REV3L: variants seen among roughly 807,000 people sequenced by gnomAD.
REV3L encodes the protein DNA polymerase zeta catalytic subunit.
REV3L carries 69 observed loss-of-function variants against 299.4 expected under a neutral mutation model. The ratio of observed to expected loss-of-function variants is 0.23; its 90% confidence interval spans 0.19 to 0.28. The LOEUF is 0.28. Ranked by LOEUF, REV3L falls within the 10% of genes least tolerant of loss-of-function variation. REV3L has a pLI of 1.00. For synonymous variants in REV3L, 1,238 were observed against 1,271.4 expected, an observed-to-expected ratio of 0.97 and a Z score of 0.56; for missense variants, 3,128 against 3,693.8, an observed-to-expected ratio of 0.85 and a Z score of 3.97.
intron 1 of REV3L, among the ~76,000 whole-genome samples, chr6:111,417,052 C>T (rs531970122): frequency 2.2e-4 from 33 of 151,386 alleles, no homozygotes; most frequent in African/African-American, 7.3e-4. Flanking sequence ...AAAATCTCTA[C>T]AGATCAATTA....
At chr6:111,419,910 T>A (rs946534872) in intron 1 of REV3L, among the ~76,000 whole-genome samples, 1 of 152,152 alleles carries the variant, frequency 6.6e-6, no homozygotes, top group Non-Finnish European at 1.5e-5. Context: ...AGTGTTGCGA[T>A]CTCGGCTTGC....
intron 7 of REV3L, 124 bp from the exon 8 acceptor site, chr6:111,388,209 A>G: frequency 4.7e-6 from 3 of 632,504 alleles, no homozygotes; most frequent in East Asian, 2.7e-5. Flanking sequence ...ACATAATACA[A>G]CCTAACTGTA....
chr6:111,328,912 CA>C (rs1250785885), intron 25 of REV3L, among the ~76,000 whole-genome samples: 1 of 152,072 alleles, frequency 6.6e-6, no homozygotes, highest in Non-Finnish European at 1.5e-5. Flanking sequence ...ACCACAGGCA[CA>C]TAACACTATG....
chr6:111,460,060 A>G (rs900529148), intron 1 of REV3L, among the ~76,000 whole-genome samples: 4 of 152,196 alleles, frequency 2.6e-5, no homozygotes, highest in African/African-American at 7.2e-5. Context: ...AATGTGGTAC[A>G]TATACACCAT....
chr6:111,394,314 T>C lies in REV3L; in HGVS notation c.566-1342A>G, dbSNP rs1331480767. ...CTCACCAGCATTTGTTGGTGTCTTT[T>C]CCGTAACAGCCATTCTAACTGGGGT... is the stretch of plus-strand genomic sequence containing the variant. On this transcript the variant is annotated intron_variant, in intron 4 of 31. Coordinates refer to ENST00000368802, the MANE Select transcript of REV3L (RefSeq NM_001372078.1). 3.9e-5 allele frequency among the ~76,000 whole-genome samples: 6 copies of C among 152,286 alleles called. No individual in the cohort carries two copies. The East Asian group carries it at 1.2e-3, about 29-fold the overall frequency.
chr6:111,365,175 T>A, intron 15 of REV3L, 90 bp downstream of exon 15: 1 of 861,812 alleles, frequency 1.2e-6, no homozygotes, highest in Admixed American at 3.8e-5. Flanking sequence ...CAAAATTTTT[T>A]AATTGAGACA....
At chr6:111,410,910 T>C (rs1001060779) in intron 3 of REV3L, among the ~76,000 whole-genome samples, 3 of 152,154 alleles carry the variant, frequency 2.0e-5, no homozygotes, top group African/African-American at 7.2e-5. Flanking sequence ...AATCCTTGTT[T>C]TGAATCTGAA....
intron 1 of REV3L, among the ~76,000 whole-genome samples, chr6:111,481,231 A>C (rs1224759198): frequency 6.6e-6 from 1 of 152,198 alleles, no homozygotes; most frequent in African/African-American, 2.4e-5. Context: ...TATCAACTTC[A>C]CTATTTTATC....
upstream of REV3L, chr6:111,483,631 AGGCGGG>A: frequency 2.3e-6 from 1 of 434,810 alleles, no homozygotes; most frequent in Admixed American, 2.5e-5. Context: ...CCAGCAGAGG[AGGCGGG>A]GGCAGCCGCT....
At chr6:111,408,374 G>GGGCGGAT (rs764941447) in intron 3 of REV3L, among the ~76,000 whole-genome samples, 1 of 152,068 alleles carries the variant, frequency 6.6e-6, no homozygotes, top group African/African-American at 2.4e-5. Flanking sequence ...AGCCTGAGGT[G>GGGCGGAT]GGCGGATCAC....
chr6:111,483,463 GAGGGGCAGCGGA>G (rs17539100), upstream of REV3L: 482 of 506,642 alleles, frequency 9.5e-4, 1 homozygote, highest in African/African-American at 7.9e-3. Flanking sequence ...TCACCTGGGT[GAGGGGCAGCGGA>G]AGGGGCGGCG....
rs533185183 is a variant in REV3L, at chr6:111,326,891, G to C, written c.8241+2641C>G. On this transcript the variant is annotated intron_variant, in intron 25 of 31. Transcript: ENST00000368802. ...CTTATTCATGAGAGGCTCTTTCTGT[G>C]ATGTTAGCTGCTTTTTCCACTCATG... 7.2e-5 allele frequency among the ~76,000 whole-genome samples: 11 copies of C among 151,806 alleles called. No individual in the cohort carries two copies. The South Asian group carries it at 2.3e-3, about 31-fold the overall frequency.
intron 1 of REV3L, among the ~76,000 whole-genome samples, chr6:111,468,670 A>G (rs1262923149): frequency 6.6e-6 from 1 of 152,256 alleles, no homozygotes; most frequent in Non-Finnish European, 1.5e-5. Flanking sequence ...TGCTGGTGGG[A>G]GTACAGATCA....
chr6:111,327,783 C>G (rs1183890146), intron 25 of REV3L, among the ~76,000 whole-genome samples: 1 of 152,102 alleles, frequency 6.6e-6, no homozygotes, highest in African/African-American at 2.4e-5. Flanking sequence ...TTATCCAGCA[C>G]AAAATCATAT....
Position 111,311,101 on chromosome 6 carries a change from T to C in REV3L, c.8763A>G (p.Pro2921=). 6.2e-7 allele frequency: 1 copy of C among 1,613,872 alleles called. No homozygotes were observed. The highest frequency in any genetic ancestry group is 8.5e-7 in the Non-Finnish European group (1 of 1,179,916). Reference sequence around the variant, plus strand: ...GTTCAAGGGCTGGCACACAAGCTCCTGGTTTATAAGAAAAACTTCCTCTGT... The same window carrying C: ...GTTCAAGGGCTGGCACACAAGCTCCCGGTTTATAAGAAAAACTTCCTCTGT... ...KEYRGSFSYK[P]GACVPALELT... Residue 2921 remains proline, a synonymous_variant, in exon 29 of 32, where the codon CCA becomes CCG. Coordinates refer to ENST00000368802, the MANE Select transcript of REV3L (RefSeq NM_001372078.1).
chr6:111,309,925 G>T lies in REV3L; in HGVS notation c.8970C>A (p.Ile2990=), dbSNP rs1453186119. The T allele has an allele frequency of 6.2e-7, 1 of 1,614,038 alleles. No individual in the cohort carries two copies. The highest frequency in any genetic ancestry group is 1.1e-5 in the South Asian group (1 of 91,068). ...AGAAGATTCTTGCCAAGGGTGGAAG[G>T]ATTTGCTTGGTAATATAGTAAGTAG... ...LNATYYITKQ[I]LPPLARIFSL... is the part of the protein sequence containing the mutation. The change falls in exon 30 of 32, where the codon ATC becomes ATA. Residue 2990 remains isoleucine (I), a synonymous_variant. Transcript: ENST00000368802.
intron 10 of REV3L, 53 bp from the exon 11 acceptor site, chr6:111,380,272 GAC>G: frequency 1.7e-6 from 2 of 1,154,960 alleles, no homozygotes; most frequent in Admixed American, 4.0e-5. Context: ...TTTTTTTTTT[GAC>G]ACGGAGTCTT....
intron 1 of REV3L, among the ~76,000 whole-genome samples, chr6:111,450,962 T>C (rs1417051873): frequency 6.6e-6 from 1 of 152,202 alleles, no homozygotes; most frequent in African/African-American, 2.4e-5. Context: ...AGAGAAGCTA[T>C]TTGTTTATGA....
At chr6:111,381,017 T>C (rs1382578048) in intron 10 of REV3L, among the ~76,000 whole-genome samples, 2 of 152,260 alleles carry the variant, frequency 1.3e-5, no homozygotes, top group Admixed American at 6.5e-5. Context: ...TATGGTGTTT[T>C]AGTAATGTAC....
Sources: allele counts gnomAD v4.1 joint callset (sites outside exome capture counted in the v4.1 genomes callset), GRCh38; gene constraint gnomAD v4.1.1; transcripts MANE v1.5; gene names NCBI Gene and HGNC (gene_info 2026-07-23, HGNC 2026-07-21).